The following USH2A variants were observed in gnomAD, a reference collection of about 807,000 sequenced individuals.
The protein encoded by USH2A is Usher syndrome 2A (autosomal recessive, mild).
In USH2A, 443 loss-of-function variants were observed where a neutral mutation model predicts 538.9. That is an observed-to-expected ratio of 0.82 (90% CI 0.76 to 0.89). The LOEUF is 0.89. USH2A is among the 40% of genes least tolerant of loss of function. The pLI is 0.00. For missense variants in USH2A, 6,633 were observed against 6,324.8 expected, an observed-to-expected ratio of 1.05 and a Z score of -1.65; for synonymous variants, 2,413 against 2,273.5, an observed-to-expected ratio of 1.06 and a Z score of -1.75.
chr1:215,732,244 A>C (rs896913900), intron 60 of USH2A, among the ~76,000 whole-genome samples: 1 of 152,202 alleles, frequency 6.6e-6, no homozygotes, highest in Non-Finnish European at 1.5e-5. Flanking sequence ...TGGTGTGAGT[A>C]GAGACTTGGC....
At chr1:215,870,635 A>G (rs1254437720) in intron 43 of USH2A, among the ~76,000 whole-genome samples, 3 of 152,058 alleles carry the variant, frequency 2.0e-5, no homozygotes, top group South Asian at 2.1e-4. Flanking sequence ...ATACTAAAAT[A>G]TACTGTTTTC....
chr1:215,646,086 T>G (rs925043057), intron 67 of USH2A, among the ~76,000 whole-genome samples: 3 of 152,172 alleles, frequency 2.0e-5, no homozygotes, highest in African/African-American at 7.2e-5. Flanking sequence ...TTCAGCCATA[T>G]AGTAAAAATT....
At chr1:216,400,748 A>T (rs1316885512) in intron 3 of USH2A, among the ~76,000 whole-genome samples, 1 of 152,200 alleles carries the variant, frequency 6.6e-6, no homozygotes, top group Non-Finnish European at 1.5e-5. Context: ...CAGATTTCTC[A>T]TCTGAAAAAT....
chr1:215,920,164 G>T (rs916584682), intron 38 of USH2A, among the ~76,000 whole-genome samples: 1 of 152,072 alleles, frequency 6.6e-6, no homozygotes, highest in South Asian at 2.1e-4. Flanking sequence ...AAAGACCTTT[G>T]TGTTCAATTA....
rs370537173 is a variant in USH2A at position 216,415,661 on chromosome 1, C to T, written c.651+2853G>A. 2.1e-3 allele frequency among the ~76,000 whole-genome samples: 323 copies of T among 151,944 alleles called. 16 individuals carry two copies. In the South Asian group the frequency reaches 0.062, roughly 29 times the overall value. ...CCAACCTCCTGAGTAGCTGGGTCTACAGACACGCACCATCACACCTGGCTA... is the reference window on the plus strand; with the variant it reads ...CCAACCTCCTGAGTAGCTGGGTCTATAGACACGCACCATCACACCTGGCTA... On this transcript the variant is annotated intron_variant, in intron 3 of 71. Transcript: ENST00000307340.
At chr1:215,856,760 G>A (rs1434353495) in intron 44 of USH2A, among the ~76,000 whole-genome samples, 2 of 151,572 alleles carry the variant, frequency 1.3e-5, no homozygotes, top group African/African-American at 4.8e-5. Flanking sequence ...GTTTATAGCA[G>A]CACAGTTCAC....
rs1369860869 is a variant in USH2A, at chr1:215,671,235, A to C, written c.13870T>G (p.Phe4624Val). The C allele has an allele frequency of 1.9e-5, 30 of 1,614,020 alleles. No homozygotes were observed. Among genetic ancestry groups the C allele is most frequent in the Non-Finnish European group, 2.5e-5 (29 of 1,180,020 alleles). ...TLGCASSDWT[F>V]IQTPEIAPLM... Reference sequence around the variant, plus strand: ...GGTGCAATCTCAGGGGTCTGTATGAATGTCCAGTCACTTGATGCACATCCC... The same window carrying C: ...GGTGCAATCTCAGGGGTCTGTATGACTGTCCAGTCACTTGATGCACATCCC... Residue 4624 changes from phenylalanine (F) to valine (V), a missense_variant, in exon 64 of 72, where the codon TTC (phenylalanine) becomes GTC (valine). By Grantham distance (50) the Phe-to-Val change is conservative (BLOSUM62 -1). Transcript: ENST00000307340.
At chr1:216,007,624 G>A (rs1173314033) in intron 32 of USH2A, among the ~76,000 whole-genome samples, 1 of 152,180 alleles carries the variant, frequency 6.6e-6, no homozygotes, top group East Asian at 1.9e-4. Context: ...ATTCAGGCAG[G>A]GCCACAGAAA....
chr1:216,136,376 A>G (rs560042355), intron 21 of USH2A, among the ~76,000 whole-genome samples: 1 of 152,332 alleles, frequency 6.6e-6, no homozygotes, highest in African/African-American at 2.4e-5. Context: ...CTTTTGAAAT[A>G]TCATCCAATT....
chr1:215,956,132 T>C (rs1356131699), intron 37 of USH2A, among the ~76,000 whole-genome samples: 2 of 152,196 alleles, frequency 1.3e-5, no homozygotes, highest in African/African-American at 4.8e-5. Flanking sequence ...AAAATGGCTA[T>C]ATGTTCAGTC....
chr1:216,280,115 T>A (rs1374803679), intron 11 of USH2A, among the ~76,000 whole-genome samples: 1 of 151,522 alleles, frequency 6.6e-6, no homozygotes, highest in Non-Finnish European at 1.5e-5. Flanking sequence ...TCTATTTGAT[T>A]GATCTGAACT....
chr1:216,053,154 G>C (rs1022896993), intron 30 of USH2A, among the ~76,000 whole-genome samples: 1 of 152,106 alleles, frequency 6.6e-6, no homozygotes, highest in Non-Finnish European at 1.5e-5. Flanking sequence ...GTTTGCATAC[G>C]GGCCAAGTAG....
At chr1:215,910,216 TCA>T (rs559509605) in intron 38 of USH2A, among the ~76,000 whole-genome samples, 25 of 152,184 alleles carry the variant, frequency 1.6e-4, no homozygotes, top group African/African-American at 6.0e-4. Flanking sequence ...CACACTTTTG[TCA>T]CTCTCCTTTA....
At position 215,989,454 on chromosome 1, in the gene USH2A, C is replaced by A. The variant is rs6672236; in HGVS notation, c.6805+3566G>T. Among the ~76,000 whole-genome samples, 356 of 152,150 alleles carry A rather than the reference C, an allele frequency of 2.3e-3. 12 individuals carry two copies. The East Asian group carries it at 0.059, about 25-fold the overall frequency. Reference sequence around the variant, plus strand: ...AATTCATTTATATGGATATTTTCCCCGAGGACTCTGATATCCTTGAGATCA... The same window carrying A: ...AATTCATTTATATGGATATTTTCCCAGAGGACTCTGATATCCTTGAGATCA... On this transcript the variant is annotated intron_variant, in intron 35 of 71. Coordinates refer to ENST00000307340, the MANE Select transcript of USH2A (RefSeq NM_206933.4).
chr1:216,143,947 T>A (rs570306466), intron 21 of USH2A, among the ~76,000 whole-genome samples: 2 of 152,334 alleles, frequency 1.3e-5, no homozygotes, highest in African/African-American at 4.8e-5. Context: ...CCGTTTTGAC[T>A]ATCAAAATAC....
At chr1:215,732,722 T>G (rs2102717861) in intron 60 of USH2A, among the ~76,000 whole-genome samples, 1 of 151,874 alleles carries the variant, frequency 6.6e-6, no homozygotes, top group Admixed American at 6.6e-5. Flanking sequence ...TTTGTATTTT[T>G]AATAGAGACG....
At chr1:215,899,396 T>TA (rs1425000149) in intron 40 of USH2A, among the ~76,000 whole-genome samples, 1 of 152,210 alleles carries the variant, frequency 6.6e-6, no homozygotes, top group Admixed American at 6.5e-5. Context: ...AACTTTTCTT[T>TA]AAAAACCCCT....
Position 216,247,237 on chromosome 1 carries a change from A to G in USH2A, c.2168-11T>C, listed in dbSNP as rs772620441. On this transcript the variant is annotated splice_polypyrimidine_tract_variant and intron_variant, in intron 12 of 71. Transcript: ENST00000307340. ...GATCACACCTAAGCCCTAAAGATAA[A>G]ATATATTTAAAAGGTGAGGATGGGA... The G allele has an allele frequency of 6.2e-7, 1 of 1,613,386 alleles. No individual in the cohort carries two copies. The highest frequency in any genetic ancestry group is 2.2e-5 in the East Asian group (1 of 44,814).
chr1:216,365,565 T>C (rs2038581006), intron 3 of USH2A, among the ~76,000 whole-genome samples: 1 of 152,180 alleles, frequency 6.6e-6, no homozygotes, highest in Non-Finnish European at 1.5e-5. Flanking sequence ...TGGTATCCGG[T>C]TGGTGATTTT....
Sources: allele counts gnomAD v4.1 joint callset (sites outside exome capture counted in the v4.1 genomes callset), GRCh38; gene constraint gnomAD v4.1.1; transcripts MANE v1.5; gene names NCBI Gene and HGNC (gene_info 2026-07-23, HGNC 2026-07-21).